Variants in SYT17 observed in about 807,000 individuals in gnomAD.
SYT17 encodes the protein synaptotagmin 17.
A neutral mutation model predicts 46.7 loss-of-function variants in SYT17; 22 were observed. The observed-to-expected ratio is 0.47, with a 90% CI of 0.34 to 0.67. The LOEUF (loss-of-function observed/expected upper bound fraction) is 0.67, where lower values mean the gene tolerates loss of function less well. Among genes scored for constraint, SYT17 ranks in the 30% least tolerant of loss-of-function variants. SYT17 has a pLI of 0.01. For synonymous variants in SYT17, 251 were observed against 248.4 expected (o/e 1.01, Z -0.10); for missense variants, 519 against 612.8 (o/e 0.85, Z 1.62).
At position 19,267,081 on chromosome 16, in the gene SYT17, T is replaced by A. The variant is rs1352807616; in HGVS notation, c.*5T>A. ...GCCTCCCTGGAGGTGACCTGAGGGCTGCAGGGAAGGCAGCTTTCATTTGTT... is the reference window on the plus strand; with the variant it reads ...GCCTCCCTGGAGGTGACCTGAGGGCAGCAGGGAAGGCAGCTTTCATTTGTT... On this transcript the variant is annotated 3_prime_UTR_variant, in exon 8 of 8. Coordinates refer to ENST00000355377, the MANE Select transcript of SYT17 (RefSeq NM_016524.4). 6.5e-7 allele frequency: 1 copy of A among 1,548,346 alleles called. No individual in the cohort carries two copies. The highest frequency in any genetic ancestry group is 2.0e-5 in the Admixed American group (1 of 48,786).
chr16:19,198,305 C>T (rs779924012), intron 5 of SYT17, among the ~76,000 whole-genome samples: 6 of 152,074 alleles, frequency 3.9e-5, no homozygotes, highest in African/African-American at 7.3e-5. Context: ...CAGACTTAGT[C>T]GTTATGAAGC....
chr16:19,173,660 G>C, intron 3 of SYT17, 82 bp downstream of exon 3: 1 of 1,473,114 alleles, frequency 6.8e-7, no homozygotes, highest in Non-Finnish European at 9.2e-7. Flanking sequence ...GGGGGTCTGG[G>C]CCACGGGAGG....
At chr16:19,214,074 C>T (rs559657805) in intron 5 of SYT17, among the ~76,000 whole-genome samples, 1 of 152,168 alleles carries the variant, frequency 6.6e-6, no homozygotes, top group Admixed American at 6.5e-5. Context: ...CAGTAGCAGA[C>T]CCTACCCTAT....
chr16:19,194,809 G>T (rs1965168755), intron 5 of SYT17, among the ~76,000 whole-genome samples: 1 of 152,088 alleles, frequency 6.6e-6, no homozygotes, highest in African/African-American at 2.4e-5. Flanking sequence ...TGTTGCCCAG[G>T]CTGGTCTCGA....
intron 5 of SYT17, among the ~76,000 whole-genome samples, chr16:19,213,525 A>G (rs932495528): frequency 3.3e-5 from 5 of 152,220 alleles, no homozygotes; most frequent in Non-Finnish European, 7.3e-5. Context: ...CCTTAAAAGT[A>G]GAGAACAAAG....
At chr16:19,196,370 G>A (rs1183057410) in intron 5 of SYT17, among the ~76,000 whole-genome samples, 1 of 151,844 alleles carries the variant, frequency 6.6e-6, no homozygotes, top group East Asian at 1.9e-4. Context: ...AGCCTCCTGA[G>A]TAGCTGGGAT....
chr16:19,179,180 T>C (rs1401235655), intron 3 of SYT17, among the ~76,000 whole-genome samples: 1 of 152,106 alleles, frequency 6.6e-6, no homozygotes, highest in Non-Finnish European at 1.5e-5. Context: ...CAGGCTGGAG[T>C]ACAGTGGCAC....
chr16:19,231,707 G>A (rs1469035332), intron 7 of SYT17, among the ~76,000 whole-genome samples: 2 of 152,052 alleles, frequency 1.3e-5, no homozygotes, highest in Non-Finnish European at 2.9e-5. Context: ...CCAGCTCCCT[G>A]GGGCTGGAGC....
Position 19,222,981 on chromosome 16 carries a change from G to C in SYT17, c.952-64G>C, listed in dbSNP as rs893387845. 25 of 1,597,206 alleles carry C rather than the reference G, an allele frequency of 1.6e-5. No individual in the cohort carries two copies. In the Admixed American group the frequency reaches 3.7e-4, roughly 24 times the overall value. Reference sequence around the variant, plus strand: ...TGTGAGCTGCTGCAATCAATTTCTTGTATGGTGGGTGCAAAAGGAATAAAA... The same window carrying C: ...TGTGAGCTGCTGCAATCAATTTCTTCTATGGTGGGTGCAAAAGGAATAAAA... On this transcript the variant is annotated intron_variant, in intron 5 of 7. Transcript: ENST00000355377.
At position 19,267,877 on chromosome 16, in the gene SYT17, T is replaced by G. The variant is rs1347147138; in HGVS notation, c.*801T>G. The G allele has an allele frequency of 2.0e-5, 3 of 152,428 alleles. No individual in the cohort carries two copies. In the East Asian group the frequency reaches 5.8e-4, roughly 29 times the overall value. 9.4% of individuals were successfully genotyped at this position (152,428 alleles called of 1,614,324 possible). On this transcript the variant is annotated 3_prime_UTR_variant, in exon 8 of 8. Coordinates refer to ENST00000355377, the MANE Select transcript of SYT17 (RefSeq NM_016524.4). ...CACTGCCTTCTCTCTGCCTCTCCTGTCCAGTGAGAGTCCAACCAGTGTCCT... is the reference window on the plus strand; with the variant it reads ...CACTGCCTTCTCTCTGCCTCTCCTGGCCAGTGAGAGTCCAACCAGTGTCCT...
chr16:19,230,398 AC>A, intron 7 of SYT17, among the ~76,000 whole-genome samples: 1 of 151,048 alleles, frequency 6.6e-6, no homozygotes, highest in South Asian at 2.1e-4. Context: ...CAAGAGTGAA[AC>A]TCTTTAAAAA....
At chr16:19,226,859 C>T (rs1049566627) in intron 7 of SYT17, among the ~76,000 whole-genome samples, 4 of 152,196 alleles carry the variant, frequency 2.6e-5, no homozygotes, top group African/African-American at 9.7e-5. Flanking sequence ...CCATGGAAAG[C>T]CCTGACACTT....
intron 5 of SYT17, 25 bp downstream of exon 5, chr16:19,184,172 C>T: frequency 6.4e-7 from 1 of 1,572,802 alleles, no homozygotes; most frequent in Non-Finnish European, 8.6e-7. Context: ...TGTGGTGTTT[C>T]CTCCTGGGAG....
chr16:19,178,710 T>C (rs1964421883), intron 3 of SYT17, among the ~76,000 whole-genome samples: 1 of 152,162 alleles, frequency 6.6e-6, no homozygotes, highest in Non-Finnish European at 1.5e-5. Context: ...TAGGCTTTAA[T>C]GTCAAGTTGG....
intron 3 of SYT17, among the ~76,000 whole-genome samples, chr16:19,176,449 C>T (rs1964316958): frequency 6.6e-6 from 1 of 152,084 alleles, no homozygotes; most frequent in Non-Finnish European, 1.5e-5. Context: ...TTTAAAGGAC[C>T]AAATAATAAA....
chr16:19,187,844 T>C (rs1183199914), intron 5 of SYT17, among the ~76,000 whole-genome samples: 1 of 152,134 alleles, frequency 6.6e-6, no homozygotes, highest in East Asian at 1.9e-4. Flanking sequence ...CAGATGCTGG[T>C]GAGGTTATAG....
Position 19,267,969 on chromosome 16 carries a change from TGTGTAAA to T in SYT17, c.*896_*902del, listed in dbSNP as rs761993665. 2,791 of 105,982 alleles carry T rather than the reference TGTGTAAA, an allele frequency of 0.026. 24 individuals carry two copies. Among genetic ancestry groups the T allele is most frequent in the East Asian group, 0.2 (132 of 654 alleles). The allele number at this position is 105,982 out of a possible 1,614,324, so 6.6% of individuals were successfully genotyped here. ...GTGTGTGTGTGTGTGTGTGTGTGTG[TGTGTAAA>T]GTAAATAGGATATGATAGAGCAAAA... On this transcript the variant is annotated 3_prime_UTR_variant, in exon 8 of 8. Transcript: ENST00000355377.
intron 5 of SYT17, among the ~76,000 whole-genome samples, chr16:19,214,794 CT>C (rs1012960968): frequency 1.5e-3 from 215 of 141,518 alleles, no homozygotes; most frequent in Admixed American, 2.2e-3. Context: ...TAATAATTCT[CT>C]TTTTTTTTTT....
At chr16:19,184,217 A>G in intron 5 of SYT17, 70 bp downstream of exon 5, 10 of 1,507,964 alleles carry the variant, frequency 6.6e-6, no homozygotes, top group Non-Finnish European at 8.9e-6. Context: ...ATTTTATTTT[A>G]CTGTTTAAAA....
Sources: allele counts gnomAD v4.1 joint callset (sites outside exome capture counted in the v4.1 genomes callset), GRCh38; gene constraint gnomAD v4.1.1; transcripts MANE v1.5; gene names NCBI Gene and HGNC (gene_info 2026-07-23, HGNC 2026-07-21).